Variants in TIAM1 observed in about 807,000 individuals in gnomAD.
The protein encoded by TIAM1 is rho guanine nucleotide exchange factor TIAM1.
Under a neutral mutation model 163.5 loss-of-function variants are expected in TIAM1, and 65 were observed. The observed-to-expected ratio is 0.40, with a 90% CI of 0.33 to 0.49. The LOEUF (loss-of-function observed/expected upper bound fraction) is 0.49, where lower values mean the gene tolerates loss of function less well. Ranked by LOEUF, TIAM1 falls within the 20% of genes least tolerant of loss-of-function variation. The pLI, the probability that TIAM1 is intolerant of heterozygous loss-of-function variation, is 0.77. For synonymous variants in TIAM1, 833 were observed against 810.1 expected (o/e 1.03, Z -0.48); for missense variants, 1,789 against 2,044.7 (o/e 0.87, Z 2.41).
intron 13 of TIAM1, 70 bp downstream of exon 13, chr21:31,195,154 C>G: frequency 7.6e-7 from 1 of 1,311,316 alleles, no homozygotes; most frequent in Non-Finnish European, 1.1e-6. Context: ...TTTTGTTGAA[C>G]TGTAAATAAA....
At chr21:31,503,168 GTGGGTCGTTT>G (rs1649735739) in intron 1 of TIAM1, among the ~76,000 whole-genome samples, 2 of 152,130 alleles carry the variant, frequency 1.3e-5, no homozygotes, top group South Asian at 4.2e-4. Context: ...GCTGCGGCGG[GTGGGTCGTTT>G]GAGATCAGGA....
intron 19 of TIAM1, among the ~76,000 whole-genome samples, chr21:31,152,047 T>C (rs1189185899): frequency 5.0e-5 from 1 of 19,956 alleles, no homozygotes; most frequent in Non-Finnish European, 1.1e-4. Flanking sequence ...TTTTTTTTTT[T>C]GTAAGACGGA....
intron 1 of TIAM1, among the ~76,000 whole-genome samples, chr21:31,523,733 G>T (rs569780785): frequency 2.1e-4 from 32 of 152,188 alleles, no homozygotes; most frequent in Admixed American, 7.9e-4. Context: ...AGAACAGCCT[G>T]GCCAACAAGG....
intron 2 of TIAM1, among the ~76,000 whole-genome samples, chr21:31,402,495 A>G (rs745863056): frequency 6.6e-6 from 1 of 152,130 alleles, no homozygotes; most frequent in Non-Finnish European, 1.5e-5. Flanking sequence ...CCTGCTTTAC[A>G]AGGCCCGCAC....
intron 1 of TIAM1, among the ~76,000 whole-genome samples, chr21:31,549,574 CATTA>C (rs2048613590): frequency 1.3e-5 from 2 of 152,148 alleles, no homozygotes; most frequent in African/African-American, 4.8e-5. Context: ...TGTTCAATGA[CATTA>C]TTTATTGGAG....
At position 31,266,693 on chromosome 21, in the gene TIAM1, C is replaced by T; in HGVS notation, c.280G>A (p.Val94Met). The part of the protein sequence containing the change: ...DFGSPIWVDR[V>M]DMGLRPVSYT... Reference sequence around the variant, plus strand: ...GACACAGGTCTCAAGCCCATGTCCACTCGGTCCACCCAGATGGGGCTCCCG... The same window carrying T: ...GACACAGGTCTCAAGCCCATGTCCATTCGGTCCACCCAGATGGGGCTCCCG... Residue 94 changes from valine to methionine, a missense_variant, in exon 4 of 28, where the codon GTG (valine) becomes ATG (methionine). This residue lies in a region of TIAM1 where 555 missense variants were observed against 564.9 expected (regional missense o/e 0.98). Transcript: ENST00000541036. The T allele has an allele frequency of 6.2e-6, 10 of 1,614,212 alleles. No individual in the cohort carries two copies. Among genetic ancestry groups the T allele is most frequent in the Non-Finnish European group, 8.5e-6 (10 of 1,180,046 alleles).
At chr21:31,354,729 G>C (rs950129738) in intron 2 of TIAM1, among the ~76,000 whole-genome samples, 6 of 152,246 alleles carry the variant, frequency 3.9e-5, no homozygotes, top group African/African-American at 1.4e-4. Flanking sequence ...TGTGGAGGAG[G>C]CTCAGCCAGC....
chr21:31,137,366 G>T (rs1282262848), intron 22 of TIAM1, among the ~76,000 whole-genome samples: 1 of 152,122 alleles, frequency 6.6e-6, no homozygotes, highest in Non-Finnish European at 1.5e-5. Context: ...ACAATCAAGG[G>T]TTAAAATAAT....
intron 1 of TIAM1, among the ~76,000 whole-genome samples, chr21:31,544,189 C>A (rs1189862377): frequency 6.6e-6 from 1 of 150,782 alleles, no homozygotes; most frequent in Admixed American, 6.7e-5. Context: ...GCCAGGGGGG[C>A]AGAGGGAGAT....
chr21:31,523,647 G>A (rs900368540), intron 1 of TIAM1, among the ~76,000 whole-genome samples: 33 of 152,110 alleles, frequency 2.2e-4, no homozygotes, highest in African/African-American at 7.7e-4. Flanking sequence ...TACTCAGTGG[G>A]GCAAGATGGC....
At chr21:31,294,928 A>C (rs1038261382) in intron 2 of TIAM1, among the ~76,000 whole-genome samples, 4 of 152,184 alleles carry the variant, frequency 2.6e-5, no homozygotes, top group African/African-American at 9.7e-5. Flanking sequence ...CTCCGTCCCC[A>C]CACTCACAGG....
intron 17 of TIAM1, among the ~76,000 whole-genome samples, chr21:31,153,705 A>C (rs1008418017): frequency 1.5e-5 from 1 of 67,402 alleles, no homozygotes; most frequent in Non-Finnish European, 2.7e-5. Context: ...TAGGTCAACA[A>C]CACATACATA....
intron 6 of TIAM1, among the ~76,000 whole-genome samples, chr21:31,229,321 T>C (rs2088261459): frequency 6.6e-6 from 1 of 152,130 alleles, no homozygotes; most frequent in African/African-American, 2.4e-5. Context: ...AAATGTGCCT[T>C]TTCTGTGTAT....
intron 2 of TIAM1, among the ~76,000 whole-genome samples, chr21:31,430,111 C>G (rs1202969734): frequency 4.6e-5 from 7 of 151,056 alleles, no homozygotes; most frequent in Admixed American, 4.6e-4. Flanking sequence ...GAGGCTGAGG[C>G]AGGAGAATCG....
intron 1 of TIAM1, among the ~76,000 whole-genome samples, chr21:31,486,007 C>T (rs1486805239): frequency 6.6e-6 from 1 of 152,198 alleles, no homozygotes; most frequent in Non-Finnish European, 1.5e-5. Flanking sequence ...CAACCATCTT[C>T]ACATACACGA....
chr21:31,404,116 A>G (rs1170606643), intron 2 of TIAM1, among the ~76,000 whole-genome samples: 11 of 152,074 alleles, frequency 7.2e-5, no homozygotes, highest in Non-Finnish European at 1.6e-4. Flanking sequence ...TCGAAATCCC[A>G]CCCTTTTCCA....
At chr21:31,190,263 A>T (rs766673602) in intron 13 of TIAM1, among the ~76,000 whole-genome samples, 36 of 152,118 alleles carry the variant, frequency 2.4e-4, no homozygotes, top group Admixed American at 6.6e-4. Flanking sequence ...TTAAAAAATT[A>T]GCTGGGCATG....
At chr21:31,505,608 A>G (rs1172804174) in intron 1 of TIAM1, among the ~76,000 whole-genome samples, 3 of 152,178 alleles carry the variant, frequency 2.0e-5, no homozygotes, top group Non-Finnish European at 4.4e-5. Flanking sequence ...TTGTGGGGGA[A>G]AAAATCAGTG....
At chr21:31,226,878 T>C (rs540452922) in intron 6 of TIAM1, among the ~76,000 whole-genome samples, 74 of 152,064 alleles carry the variant, frequency 4.9e-4, no homozygotes, top group Admixed American at 1.4e-3. Flanking sequence ...AAACACTTCA[T>C]TGTTTTTTCT....
Sources: allele counts gnomAD v4.1 joint callset (sites outside exome capture counted in the v4.1 genomes callset), GRCh38; gene constraint gnomAD v4.1.1; regional missense constraint gnomAD v4.1.1; transcripts MANE v1.5; gene names NCBI Gene and HGNC (gene_info 2026-07-23, HGNC 2026-07-21).